STXBP2: variants seen among roughly 807,000 people sequenced by gnomAD.
STXBP2 encodes the protein syntaxin binding protein 2.
STXBP2 carries 47 observed loss-of-function variants against 72.2 expected under a neutral mutation model. The ratio of observed to expected loss-of-function variants is 0.65; its 90% CI spans 0.51 to 0.83. STXBP2 has a LOEUF of 0.83. Ranked by LOEUF, STXBP2 falls within the 40% of genes least tolerant of loss-of-function variation. The pLI is 0.00. For synonymous variants in STXBP2, 367 were observed against 338.7 expected (o/e 1.08, Z -0.92); for missense variants, 702 against 807.6 (o/e 0.87, Z 1.58).
Position 7,642,946 on chromosome 19 carries a change from C to T in STXBP2, c.961-37C>T, listed in dbSNP as rs748609361. On this transcript the variant is annotated intron_variant, in intron 11 of 18. Transcript: ENST00000221283. The surrounding 1 kb of genome is among the most constrained non-coding windows in gnomAD (Gnocchi z 6.0). ...CCCAGGTGGGCACTGCCTGGCTTCG[C>T]CCCCCAATCCCTACCCTCTTCCCCC... 2 of 1,613,514 alleles carry T rather than the reference C, an allele frequency of 1.2e-6. No individual in the cohort carries two copies. Among genetic ancestry groups the T allele is most frequent in the South Asian group, 2.2e-5 (2 of 91,072 alleles).
At chr19:7,631,374 G>A in the STXBP2 span, 3,865 of 1,397,358 alleles carry the variant, frequency 2.8e-3, 65 homozygotes, top group African/African-American at 0.049. Flanking sequence ...GCCGTGGTCT[G>A]GGGCAGGGTG....
chr19:7,644,930 C>G lies in STXBP2; in HGVS notation c.1246+178C>G, dbSNP rs1177500848. ...CTCCATTGGCTTGGGGATTCCTCCA[C>G]TGAGGTGAGGGCTCCCTGCTAACGT... On this transcript the variant is annotated intron_variant, in intron 14 of 18. Transcript: ENST00000221283. The G allele has an allele frequency of 7.5e-6, 11 of 1,462,328 alleles. No individual in the cohort carries two copies. In the South Asian group the frequency reaches 1.5e-4, roughly 20 times the overall value. The allele number at this position is 1,462,328 out of a possible 1,614,324, so 90.6% of individuals were successfully genotyped here.
intron 16 of STXBP2, chr19:7,646,568 G>A (rs2032146970): frequency 1.6e-6 from 1 of 618,900 alleles, no homozygotes; most frequent in African/African-American, 1.8e-5. Flanking sequence ...CTCCCCACCT[G>A]CCGGCTGCCT....
chr19:7,642,773 A>T lies in STXBP2; in HGVS notation c.910A>T (p.Thr304Ser), dbSNP rs751383385. 1.2e-6 allele frequency: 2 copies of T among 1,613,746 alleles called. No individual in the cohort carries two copies. The highest frequency in any genetic ancestry group is 3.3e-5 in the Admixed American group (2 of 60,004). ...GCCCACCCTCATGGCCAGGAAGGTC[A>T]CGGAGCTCCTGAGGACCTTCTGTGA... ...MHIADVSKKV[T>S]ELLRTFCESK... Residue 304 changes from threonine to serine, a missense_variant, in exon 11 of 19, where the codon ACG becomes TCG. Thr to Ser is a moderately conservative substitution (Grantham distance 58, BLOSUM62 1). Transcript: ENST00000221283. This position sits in a 1 kb window ranked among gnomAD's most constrained non-coding sequence, Gnocchi z 6.0.
At chr19:7,630,043 G>A in the STXBP2 span, 1 of 724,392 alleles carries the variant, frequency 1.4e-6, no homozygotes, top group Admixed American at 3.6e-5. Context: ...GGGGGTTCTC[G>A]GATTTGGGCT....
chr19:7,631,736 C>T, the STXBP2 span: 70 of 1,440,256 alleles, frequency 4.9e-5, no homozygotes, highest in South Asian at 1.6e-4. Flanking sequence ...CGACGGAAGC[C>T]GAGAGCGGTC....
rs1028669082 is a variant in STXBP2 at position 7,641,687 on chromosome 19, T to G, written c.430-18T>G. The G allele has an allele frequency of 6.4e-7, 1 of 1,551,324 alleles. No individual in the cohort carries two copies. The highest frequency in any genetic ancestry group is 8.7e-7 in the Non-Finnish European group (1 of 1,147,648). Reference sequence around the variant, plus strand: ...CCTGCAGCGGCAACCCTGGTGCTTCTGTCCCCTCCTCGCCCAGGTGTTCTC... The same window carrying G: ...CCTGCAGCGGCAACCCTGGTGCTTCGGTCCCCTCCTCGCCCAGGTGTTCTC... On this transcript the variant is annotated intron_variant, in intron 6 of 18. Transcript: ENST00000221283.
chr19:7,640,160 ATGTG>A (rs747213915), intron 4 of STXBP2: 92 of 460,300 alleles, frequency 2.0e-4, no homozygotes, highest in Admixed American at 6.2e-4. Flanking sequence ...GTGCATCTGT[ATGTG>A]TGTGTGTGCG....
Position 7,641,870 on chromosome 19 carries a change from G to GGCCGCCCC in STXBP2, c.578+17_578+18insGCCGCCCC. 1 of 648,152 alleles carries GGCCGCCCC rather than the reference G, an allele frequency of 1.5e-6. No individual in the cohort carries two copies. Among genetic ancestry groups the GGCCGCCCC allele is most frequent in the East Asian group, 7.6e-5 (1 of 13,206 alleles). The allele number at this position is 648,152 out of a possible 1,614,324, so 40.2% of individuals were successfully genotyped here. A position where few individuals can be genotyped will look rare whatever the true frequency, so the allele number is the denominator to read the frequency against. On this transcript the variant is annotated intron_variant, in intron 7 of 18. Transcript: ENST00000221283. ...CTACCGCAAGTGGGGACCCCACCCA[G>GGCCGCCCC]CCCCACCCCGATGCCGACCCCCCCT...
chr19:7,639,531 G>C, intron 3 of STXBP2, 200 bp from the exon 4 acceptor site: 1 of 628,736 alleles, frequency 1.6e-6, no homozygotes, highest in South Asian at 1.8e-5. Context: ...CTGTAAATTT[G>C]GGGAACCCAG....
intron 15 of STXBP2, 25 bp downstream of exon 15, chr19:7,645,331 G>T (rs1352550701): frequency 6.4e-7 from 1 of 1,554,314 alleles, no homozygotes; most frequent in Non-Finnish European, 8.7e-7. Flanking sequence ...GGCATGGGGG[G>T]ACCCTGGGAG....
chr19:7,645,374 C>T (rs978701521), intron 15 of STXBP2, 68 bp downstream of exon 15: 2 of 1,453,964 alleles, frequency 1.4e-6, no homozygotes, highest in Admixed American at 2.0e-5. Context: ...CTCTGCAAGG[C>T]AGAGGGCCAT....
chr19:7,630,884 G>C, the STXBP2 span: 1 of 1,537,074 alleles, frequency 6.5e-7, no homozygotes, highest in Admixed American at 2.0e-5. Flanking sequence ...GGATGGAGGA[G>C]GCTGGATTCT....
Position 7,638,604 on chromosome 19 carries a change from T to TAA in STXBP2, c.38-108_38-107dup, listed in dbSNP as rs144737616. ...GTGACAGAGTGAGATCCTCCTCTCT[T>TAA]AAAAAAAAAAAAAAAGTAAATGGGA... On this transcript the variant is annotated intron_variant, in intron 1 of 18. Transcript: ENST00000221283. The TAA allele has an allele frequency of 3.3e-3, 3,083 of 933,244 alleles. 19 individuals are homozygous for TAA. Among genetic ancestry groups the TAA allele is most frequent in the African/African-American group, 0.026 (1,435 of 54,858 alleles). The allele number at this position is 933,244 out of a possible 1,614,324, so 57.8% of individuals were successfully genotyped here.
Position 7,642,906 on chromosome 19 carries a change from G to C in STXBP2, c.961-77G>C, listed in dbSNP as rs972867406. ...GGCGCAGGGCCACAGCCTGGATTTC[G>C]AGCCTGGACTGAGACCCAGGTGGGC... On this transcript the variant is annotated intron_variant, in intron 11 of 18. Transcript: ENST00000221283. This position sits in a 1 kb window ranked among gnomAD's most constrained non-coding sequence, Gnocchi z 6.0. 1.2e-6 allele frequency: 2 copies of C among 1,612,860 alleles called. No individual in the cohort carries two copies. Among genetic ancestry groups the C allele is most frequent in the Non-Finnish European group, 1.7e-6 (2 of 1,178,880 alleles).
At chr19:7,637,932 C>T (rs1441020701) in intron 1 of STXBP2, among the ~76,000 whole-genome samples, 3 of 152,238 alleles carry the variant, frequency 2.0e-5, no homozygotes, top group Non-Finnish European at 2.9e-5. Flanking sequence ...AAAAGTGATT[C>T]CATTTTACAG....
At chr19:7,632,898 A>G, upstream of STXBP2, 1 of 1,525,580 alleles carries the variant, frequency 6.6e-7, no homozygotes, top group African/African-American at 1.4e-5. This position sits in a 1 kb window ranked among gnomAD's most constrained non-coding sequence, Gnocchi z 5.2. Flanking sequence ...CTTCCTAGCC[A>G]GCTTGCTCAC....
At chr19:7,638,980 C>T (rs781301720) in intron 2 of STXBP2, 39 bp from the exon 3 acceptor site, 246 of 1,612,262 alleles carry the variant, frequency 1.5e-4, no homozygotes, top group Non-Finnish European at 2.0e-4. Context: ...TGGCCTCTTC[C>T]GCCTGCTCCT....
In STXBP2 at chr19:7,641,758, G is replaced by A. The variant is rs781084636; in HGVS notation, c.483G>A (p.Arg161=). Residue 161 remains arginine (R), a synonymous_variant, in exon 7 of 19, where the codon CGG becomes CGA. Coordinates refer to ENST00000221283, the MANE Select transcript of STXBP2 (RefSeq NM_006949.4). ...HSTYNLYCPF[R]AEERTRQLEV... is the part of the protein sequence containing the mutation. ...CCTACAACCTCTACTGCCCCTTCCGGGCAGAGGAGCGCACGCGGCAGCTCG... is the reference window on the plus strand; with the variant it reads ...CCTACAACCTCTACTGCCCCTTCCGAGCAGAGGAGCGCACGCGGCAGCTCG... 55 of 1,552,742 alleles carry A rather than the reference G, an allele frequency of 3.5e-5. No homozygotes were observed. The highest frequency in any genetic ancestry group is 1.1e-5 in the Non-Finnish European group (13 of 1,148,258).
Sources: allele counts gnomAD v4.1 joint callset (sites outside exome capture counted in the v4.1 genomes callset), GRCh38; gene constraint gnomAD v4.1.1; non-coding constraint Gnocchi (gnomAD v3.1); transcripts MANE v1.5; gene names NCBI Gene and HGNC (gene_info 2026-07-23, HGNC 2026-07-21).